Variants in CDKN2B observed in about 807,000 individuals in gnomAD.
CDKN2B encodes cyclin-dependent kinase 4 inhibitor B.
Under a neutral mutation model 7.7 loss-of-function variants are expected in CDKN2B, and 8 were observed. That is an observed-to-expected ratio of 1.04 (90% CI 0.61 to 1.87). The LOEUF (loss-of-function observed/expected upper bound fraction) is 1.87. Ranked by LOEUF, CDKN2B falls within the 40% of genes most tolerant of loss-of-function variation. The pLI is 0.00. For synonymous variants in CDKN2B, 93 were observed against 95.8 expected (o/e 0.97, Z 0.17); for missense variants, 244 against 213.1 (o/e 1.15, Z -0.90).
chr9:22,009,066 G>C lies in CDKN2B; in HGVS notation c.-113C>G. The C allele has an allele frequency of 6.6e-7, 1 of 1,511,694 alleles. No individual in the cohort carries two copies. Among genetic ancestry groups the C allele is most frequent in the Non-Finnish European group, 9.1e-7 (1 of 1,094,300 alleles). The allele number at this position is 1,511,694 out of a possible 1,614,324, so 93.6% of individuals were successfully genotyped here. A position where few individuals can be genotyped will look rare whatever the true frequency, so the allele number is the denominator to read the frequency against. On this transcript the variant is annotated 5_prime_UTR_variant, in exon 1 of 2. Coordinates refer to ENST00000276925, the MANE Select transcript of CDKN2B (RefSeq NM_004936.4). ...CCGGCGCACTCTCTCCTTCCTAGGA[G>C]ACCTGGGCTCAGCTTCATTACCCTC...
In CDKN2B at chr9:22,005,451, T is replaced by C. The variant is rs1821127033; in HGVS notation, c.*536A>G. ...AACTAAAGCGCCGCCGGGGACTTAC[T>C]GAAGCCCACCTCGGCCCTCCTCCAC... On this transcript the variant is annotated 3_prime_UTR_variant, in exon 2 of 2. Transcript: ENST00000276925. The surrounding 1 kb of genome is among the most constrained non-coding windows in gnomAD (Gnocchi z 4.9). 8.0e-6 allele frequency: 2 copies of C among 251,498 alleles called. No homozygotes were observed. Among genetic ancestry groups the C allele is most frequent in the East Asian group, 5.7e-5 (1 of 17,532 alleles). The allele number at this position is 251,498 out of a possible 1,614,324, so 15.6% of individuals were successfully genotyped here.
intron 1 of CDKN2B, among the ~76,000 whole-genome samples, chr9:22,008,516 C>A (rs1051522657): frequency 6.6e-6 from 1 of 152,114 alleles, no homozygotes; most frequent in African/African-American, 2.4e-5. Context: ...ATAAGCTTTC[C>A]TTTTCTCCTT....
At position 22,006,131 on chromosome 9, in the gene CDKN2B, G is replaced by A. The variant is rs746984960; in HGVS notation, c.273C>T (p.Gly91=). The change falls in exon 2 of 2, where the codon GGC becomes GGT. Residue 91 remains glycine, a synonymous_variant. Coordinates refer to ENST00000276925, the MANE Select transcript of CDKN2B (RefSeq NM_004936.4). The surrounding 1 kb of genome is among the most constrained non-coding windows in gnomAD (Gnocchi z 6.4). ...GCAGCACCACCAGCGTGTCCAGGAAGCCCTCCCGGGCAGCATCATGCACCG... is the reference window on the plus strand; with the variant it reads ...GCAGCACCACCAGCGTGTCCAGGAAACCCTCCCGGGCAGCATCATGCACCG... ...TRPVHDAARE[G]FLDTLVVLHR... is the part of the protein sequence containing the mutation. 1 of 1,611,202 alleles carries A rather than the reference G, an allele frequency of 6.2e-7. No homozygotes were observed. The highest frequency in any genetic ancestry group is 1.3e-5 in the African/African-American group (1 of 74,934).
intron 1 of CDKN2B, among the ~76,000 whole-genome samples, chr9:22,007,252 C>G (rs1384410716): frequency 6.6e-6 from 1 of 152,106 alleles, no homozygotes; most frequent in Non-Finnish European, 1.5e-5. Flanking sequence ...GTCCCAGCAA[C>G]TCAGGAGGCT....
In CDKN2B at chr9:22,005,074, A is replaced by C; in HGVS notation, c.*913T>G. ...AAAAGTACAAAATATCACAAAATCA[A>C]AAAGTAGCAAGTCATAAGGGGATTT... On this transcript the variant is annotated 3_prime_UTR_variant, in exon 2 of 2. Transcript: ENST00000276925. This position sits in a 1 kb window ranked among gnomAD's most constrained non-coding sequence, Gnocchi z 4.9. The C allele has an allele frequency of 4.3e-6, 1 of 233,140 alleles. No homozygotes were observed. The highest frequency in any genetic ancestry group is 8.5e-6 in the Non-Finnish European group (1 of 118,072). The allele number at this position is 233,140 out of a possible 1,614,324, so 14.4% of individuals were successfully genotyped here.
In CDKN2B at chr9:22,006,318, A is replaced by G. The variant is rs1017265867; in HGVS notation, c.157-71T>C. The G allele has an allele frequency of 1.1e-5, 17 of 1,588,740 alleles. No individual in the cohort carries two copies. Among genetic ancestry groups the G allele is most frequent in the African/African-American group, 8.0e-5 (6 of 74,692 alleles). ...TGGGAGATGCCGGCCGGGGCAAGGC[A>G]GGTGGAGCCATTTAAAGAAACACCT... On this transcript the variant is annotated intron_variant, in intron 1 of 1. Coordinates refer to ENST00000276925, the MANE Select transcript of CDKN2B (RefSeq NM_004936.4). This position sits in a 1 kb window ranked among gnomAD's most constrained non-coding sequence, Gnocchi z 6.4.
Position 22,006,346 on chromosome 9 carries a change from T to G in CDKN2B, c.157-99A>C. The G allele has an allele frequency of 6.6e-7, 1 of 1,510,760 alleles. No homozygotes were observed. The highest frequency in any genetic ancestry group is 9.0e-7 in the Non-Finnish European group (1 of 1,116,592). 93.6% of individuals were successfully genotyped at this position (1,510,760 alleles called of 1,614,324 possible). ...TGGAGCCATTTAAAGAAACACCTAATTGCAAAGTTTTCACCCAGTGCAGAG... is the reference window on the plus strand; with the variant it reads ...TGGAGCCATTTAAAGAAACACCTAAGTGCAAAGTTTTCACCCAGTGCAGAG... On this transcript the variant is annotated intron_variant, in intron 1 of 1. Coordinates refer to ENST00000276925, the MANE Select transcript of CDKN2B (RefSeq NM_004936.4). The surrounding 1 kb of genome is among the most constrained non-coding windows in gnomAD (Gnocchi z 6.4).
At position 22,005,529 on chromosome 9, in the gene CDKN2B, GT is replaced by G. The variant is rs1821130206; in HGVS notation, c.*457del. 1 of 314,208 alleles carries G rather than the reference GT, an allele frequency of 3.2e-6. No individual in the cohort carries two copies. The highest frequency in any genetic ancestry group is 2.1e-5 in the African/African-American group (1 of 47,508). 19.5% of individuals were successfully genotyped at this position (314,208 alleles called of 1,614,324 possible). ...TCTGCCGCTAGGGCCTAAGTTGTGG[GT>G]TCACCATAACTCCTCAGCAGACATT... On this transcript the variant is annotated 3_prime_UTR_variant, in exon 2 of 2. Coordinates refer to ENST00000276925, the MANE Select transcript of CDKN2B (RefSeq NM_004936.4). The surrounding 1 kb of genome is among the most constrained non-coding windows in gnomAD (Gnocchi z 4.9).
Position 22,006,183 on chromosome 9 carries a change from C to T in CDKN2B, c.221G>A (p.Cys74Tyr). 1 of 1,609,640 alleles carries T rather than the reference C, an allele frequency of 6.2e-7. No homozygotes were observed. Among genetic ancestry groups the T allele is most frequent in the South Asian group, 1.1e-5 (1 of 91,026 alleles). ...TCGGGTGAGAGTGGCAGGGTCTGCG[C>T]AGTTGGGCTCCGCGCCGTGGAGCAG... ...LLLLHGAEPN[C>Y]ADPATLTRPV... is the part of the protein sequence containing the mutation. Residue 74 changes from cysteine to tyrosine, a missense_variant, in exon 2 of 2, where the codon TGC becomes TAC. Coordinates refer to ENST00000276925, the MANE Select transcript of CDKN2B (RefSeq NM_004936.4). This position sits in a 1 kb window ranked among gnomAD's most constrained non-coding sequence, Gnocchi z 6.4.
Position 22,006,217 on chromosome 9 carries a change from C to T in CDKN2B, c.187G>A (p.Glu63Lys), listed in dbSNP as rs777125202. The T allele has an allele frequency of 6.2e-7, 1 of 1,607,802 alleles. No individual in the cohort carries two copies. The highest frequency in any genetic ancestry group is 8.5e-7 in the Non-Finnish European group (1 of 1,179,894). ...VMMMGSARVAELLLLHGAEPN... is the reference protein window; with the variant it reads ...VMMMGSARVAKLLLLHGAEPN... ...TCCGCGCCGTGGAGCAGCAGCAGCT[C>T]CGCCACGCGGGCGCTGCCCATCATC... Residue 63 changes from glutamate (E) to lysine (K), a missense_variant, in exon 2 of 2, where the codon GAG becomes AAG. By Grantham distance (56) the Glu-to-Lys change is moderately conservative. Coordinates refer to ENST00000276925, the MANE Select transcript of CDKN2B (RefSeq NM_004936.4). This position sits in a 1 kb window ranked among gnomAD's most constrained non-coding sequence, Gnocchi z 6.4.
rs1821020858 is a variant in CDKN2B, at chr9:22,003,516, T to C, written c.*2471A>G. ...TGGAATTTAAGATATAGAGGTCAAATTAAGGGATTTTATAAACCAAATGGG... is the reference window on the plus strand; with the variant it reads ...TGGAATTTAAGATATAGAGGTCAAACTAAGGGATTTTATAAACCAAATGGG... On this transcript the variant is annotated 3_prime_UTR_variant, in exon 2 of 2. Coordinates refer to ENST00000276925, the MANE Select transcript of CDKN2B (RefSeq NM_004936.4). 4.4e-6 allele frequency: 1 copy of C among 228,770 alleles called. No homozygotes were observed. Among genetic ancestry groups the C allele is most frequent in the Admixed American group, 5.7e-5 (1 of 17,638 alleles). 14.2% of individuals were successfully genotyped at this position (228,770 alleles called of 1,614,324 possible). A position where few individuals can be genotyped will look rare whatever the true frequency, so the allele number is the denominator to read the frequency against.
rs1411015630 is a variant in CDKN2B, at chr9:22,005,231, A to ATC, written c.*754_*755dup. The ATC allele has an allele frequency of 4.3e-6, 1 of 232,660 alleles. No individual in the cohort carries two copies. Among genetic ancestry groups the ATC allele is most frequent in the African/African-American group, 2.2e-5 (1 of 45,284 alleles). The allele number at this position is 232,660 out of a possible 1,614,324, so 14.4% of individuals were successfully genotyped here. On this transcript the variant is annotated 3_prime_UTR_variant, in exon 2 of 2. Coordinates refer to ENST00000276925, the MANE Select transcript of CDKN2B (RefSeq NM_004936.4). The surrounding 1 kb of genome is among the most constrained non-coding windows in gnomAD (Gnocchi z 4.9). Reference sequence around the variant, plus strand: ...TAGTCTGCCTGCGGAACCCGCGGGAATCTCTCCTCAGTGTAGTAAGAGCAA... The same window carrying ATC: ...TAGTCTGCCTGCGGAACCCGCGGGAATCTCTCTCCTCAGTGTAGTAAGAGCAA...
chr9:22,008,920 C>T lies in CDKN2B; in HGVS notation c.34G>A (p.Gly12Ser), dbSNP rs771151576. The T allele has an allele frequency of 2.9e-5, 47 of 1,612,850 alleles. No individual in the cohort carries two copies. The highest frequency in any genetic ancestry group is 1.6e-4 in the Middle Eastern group (1 of 6,084). The part of the protein sequence containing the change: ...REENKGMPSG[G>S]GSDEGLASAA... ...CTGGCCAGACCCTCATCGCTGCCGCCCCCACTGGGCATGCCCTTGTTCTCC... is the reference window on the plus strand; with the variant it reads ...CTGGCCAGACCCTCATCGCTGCCGCTCCCACTGGGCATGCCCTTGTTCTCC... The change falls in exon 1 of 2, where the codon GGC becomes AGC. Residue 12 changes from glycine to serine, a missense_variant. Coordinates refer to ENST00000276925, the MANE Select transcript of CDKN2B (RefSeq NM_004936.4).
chr9:22,002,947 G>A lies in CDKN2B; in HGVS notation c.*3040C>T, dbSNP rs1382724209. ...TTATTTAACTTTCCAGATCTTCTTG[G>A]AATAAATGTCAGGTAGTAGAATTTG... On this transcript the variant is annotated 3_prime_UTR_variant, in exon 2 of 2. Coordinates refer to ENST00000276925, the MANE Select transcript of CDKN2B (RefSeq NM_004936.4). 1.0e-5 allele frequency: 2 copies of A among 192,980 alleles called. No individual in the cohort carries two copies. The highest frequency in any genetic ancestry group is 2.3e-5 in the African/African-American group (1 of 43,080). 12.0% of individuals were successfully genotyped at this position (192,980 alleles called of 1,614,324 possible).
At position 22,005,253 on chromosome 9, in the gene CDKN2B, G is replaced by A. The variant is rs1451082816; in HGVS notation, c.*734C>T. The A allele has an allele frequency of 3.8e-5, 9 of 234,912 alleles. No individual in the cohort carries two copies. The highest frequency in any genetic ancestry group is 1.2e-3 in the Middle Eastern group (1 of 810). The allele number at this position is 234,912 out of a possible 1,614,324, so 14.6% of individuals were successfully genotyped here. On this transcript the variant is annotated 3_prime_UTR_variant, in exon 2 of 2. Coordinates refer to ENST00000276925, the MANE Select transcript of CDKN2B (RefSeq NM_004936.4). This position sits in a 1 kb window ranked among gnomAD's most constrained non-coding sequence, Gnocchi z 4.9. ...GGAATCTCTCCTCAGTGTAGTAAGAGCAAAGGCCAGCATCCTGTGCAAAGG... is the reference window on the plus strand; with the variant it reads ...GGAATCTCTCCTCAGTGTAGTAAGAACAAAGGCCAGCATCCTGTGCAAAGG...
At position 22,005,553 on chromosome 9, in the gene CDKN2B, A is replaced by C; in HGVS notation, c.*434T>G. ...GGTTCACCATAACTCCTCAGCAGAC[A>C]TTGGAGTGAACGCATCGACTGCCGT... On this transcript the variant is annotated 3_prime_UTR_variant, in exon 2 of 2. Transcript: ENST00000276925. This position sits in a 1 kb window ranked among gnomAD's most constrained non-coding sequence, Gnocchi z 4.9. 2.6e-6 allele frequency: 1 copy of C among 383,888 alleles called. No individual in the cohort carries two copies. The highest frequency in any genetic ancestry group is 4.8e-6 in the Non-Finnish European group (1 of 206,650). The allele number at this position is 383,888 out of a possible 1,614,324, so 23.8% of individuals were successfully genotyped here.
rs1435869570 is a variant in CDKN2B at position 22,005,152 on chromosome 9, G to A, written c.*835C>T. ...TGTGTGTGTGTGTGTGAAAGAAAAC[G>A]TTACAGTTAACCGTTACAATTGCTC... On this transcript the variant is annotated 3_prime_UTR_variant, in exon 2 of 2. Coordinates refer to ENST00000276925, the MANE Select transcript of CDKN2B (RefSeq NM_004936.4). This position sits in a 1 kb window ranked among gnomAD's most constrained non-coding sequence, Gnocchi z 4.9. The A allele has an allele frequency of 8.7e-6, 2 of 229,720 alleles. No individual in the cohort carries two copies. Among genetic ancestry groups the A allele is most frequent in the Non-Finnish European group, 1.7e-5 (2 of 117,072 alleles). 14.2% of individuals were successfully genotyped at this position (229,720 alleles called of 1,614,324 possible). A position where few individuals can be genotyped will look rare whatever the true frequency, so the allele number is the denominator to read the frequency against.
At position 22,005,721 on chromosome 9, in the gene CDKN2B, G is replaced by A; in HGVS notation, c.*266C>T. The A allele has an allele frequency of 1.7e-6, 1 of 575,882 alleles. No homozygotes were observed. Among genetic ancestry groups the A allele is most frequent in the Non-Finnish European group, 3.1e-6 (1 of 322,432 alleles). The allele number at this position is 575,882 out of a possible 1,614,324, so 35.7% of individuals were successfully genotyped here. ...AACCCTGAAAAGCAAACGACCCCTG[G>A]AATGTCACACACTCCTAAATATCCC... On this transcript the variant is annotated 3_prime_UTR_variant, in exon 2 of 2. Transcript: ENST00000276925. The surrounding 1 kb of genome is among the most constrained non-coding windows in gnomAD (Gnocchi z 4.9).
chr9:22,008,957 G>C lies in CDKN2B; in HGVS notation c.-4C>G, dbSNP rs761414872. 4 of 1,612,926 alleles carry C rather than the reference G, an allele frequency of 2.5e-6. No individual in the cohort carries two copies. The highest frequency in any genetic ancestry group is 3.4e-6 in the Non-Finnish European group (4 of 1,179,956). ...TGCCCTTGTTCTCCTCGCGCATTCC[G>C]CAGCCCCCAGACGCGCAGCGGCCCG... On this transcript the variant is annotated 5_prime_UTR_variant, in exon 1 of 2. Transcript: ENST00000276925.
Sources: allele counts gnomAD v4.1 joint callset (sites outside exome capture counted in the v4.1 genomes callset), GRCh38; gene constraint gnomAD v4.1.1; non-coding constraint Gnocchi (gnomAD v3.1); transcripts MANE v1.5; gene names NCBI Gene and HGNC (gene_info 2026-07-23, HGNC 2026-07-21).